Variants in STPG1 observed in about 807,000 individuals in gnomAD.
STPG1 encodes the protein O(6)-methylguanine-induced apoptosis 2.
A neutral mutation model predicts 40.1 loss-of-function variants in STPG1; 33 were observed. The ratio of observed to expected loss-of-function variants is 0.82; its 90% CI spans 0.62 to 1.10. The LOEUF (loss-of-function observed/expected upper bound fraction) is 1.10. STPG1 is among the 50% of genes least tolerant of loss of function. The probability of loss-of-function intolerance (pLI) is 0.00; values close to 1 mark genes in which losing one functional copy is unlikely to be tolerated. For missense variants in STPG1, 396 were observed against 415.1 expected (o/e 0.95, Z 0.40); for synonymous variants, 150 against 155.0 (o/e 0.97, Z 0.24).
chr1:24,357,924 A>G lies in STPG1; in HGVS notation c.*619T>C. On this transcript the variant is annotated 3_prime_UTR_variant, in exon 9 of 9. Coordinates refer to ENST00000337248, the MANE Select transcript of STPG1 (RefSeq NM_001199013.2). ...CCATTCCAAGATGATCTCCCACTCC[A>G]AAGAGAAAAAGGTCTAAAAGGAGTA... 3.1e-6 allele frequency: 1 copy of G among 325,642 alleles called. No homozygotes were observed. The highest frequency in any genetic ancestry group is 2.6e-5 in the South Asian group (1 of 38,794). 20.2% of individuals were successfully genotyped at this position (325,642 alleles called of 1,614,324 possible).
rs867731172 is a variant in STPG1 at position 24,413,426 on chromosome 1, G to A, written c.-69+248C>T. ...CGCCCACGCCCCTGGCAGGAGCTCGGTGGAGCAGGCAAGCCCCAGTTGTCA... is the reference window on the plus strand; with the variant it reads ...CGCCCACGCCCCTGGCAGGAGCTCGATGGAGCAGGCAAGCCCCAGTTGTCA... On this transcript the variant is annotated intron_variant, in intron 1 of 8. Transcript: ENST00000337248. 1.4e-4 allele frequency among the ~76,000 whole-genome samples: 21 copies of A among 152,372 alleles called. 1 individual carries two copies. Among genetic ancestry groups the A allele is most frequent in the South Asian group, 4.1e-4 (2 of 4,832 alleles).
intron 7 of STPG1, among the ~76,000 whole-genome samples, chr1:24,365,294 G>A (rs2148681127): frequency 6.6e-6 from 1 of 152,312 alleles, no homozygotes; most frequent in African/African-American, 2.4e-5. Flanking sequence ...AGCAGATCAA[G>A]GGTTAGAAAA....
rs529192288 is a variant in STPG1, at chr1:24,398,680, T to A, written c.70+2639A>T. 2.4e-3 allele frequency among the ~76,000 whole-genome samples: 358 copies of A among 152,108 alleles called. 3 individuals are homozygous for A. Among genetic ancestry groups the A allele is most frequent in the African/African-American group, 6.1e-3 (255 of 41,548 alleles). ...CAGAATCAAGGTCAATATACAAAAA[T>A]CAATTAATTTTTTTGTACAGCAGCA... On this transcript the variant is annotated intron_variant, in intron 2 of 8. Coordinates refer to ENST00000337248, the MANE Select transcript of STPG1 (RefSeq NM_001199013.2).
intron 3 of STPG1, among the ~76,000 whole-genome samples, chr1:24,388,144 C>A (rs927988682): frequency 6.6e-6 from 1 of 152,014 alleles, no homozygotes; most frequent in South Asian, 2.1e-4. Flanking sequence ...AATACTCATT[C>A]CTGGCAAGGG....
At chr1:24,406,905 G>C (rs926033765) in intron 1 of STPG1, among the ~76,000 whole-genome samples, 86 of 152,148 alleles carry the variant, frequency 5.7e-4, no homozygotes, top group African/African-American at 2.0e-3. Context: ...CCATTTCTAA[G>C]TGCACAGCTG....
intron 7 of STPG1, among the ~76,000 whole-genome samples, chr1:24,365,040 A>G (rs928808670): frequency 1.4e-4 from 22 of 152,156 alleles, no homozygotes; most frequent in African/African-American, 4.3e-4. Context: ...AATTTTTCTC[A>G]TCATTAAAGG....
At position 24,412,543 on chromosome 1, in the gene STPG1, AGTCT is replaced by A. The variant is rs1426650683; in HGVS notation, c.-69+1127_-69+1130del. On this transcript the variant is annotated intron_variant, in intron 1 of 8. Transcript: ENST00000337248. ...GTAGAAAGTTCAACTCTGAATCTTC[AGTCT>A]ATTTCCTCACATACAGTATTTGCTC... is the stretch of plus-strand genomic sequence containing the variant. 5.3e-5 allele frequency among the ~76,000 whole-genome samples: 8 copies of A among 152,306 alleles called. No homozygotes were observed. The South Asian group carries it at 1.5e-3, about 28-fold the overall frequency.
At chr1:24,375,160 C>T (rs948343396) in intron 5 of STPG1, among the ~76,000 whole-genome samples, 4 of 152,036 alleles carry the variant, frequency 2.6e-5, no homozygotes, top group African/African-American at 4.8e-5. Context: ...TTTGAGAGTG[C>T]GCGATGTGTT....
chr1:24,389,787 A>C (rs575925476), intron 3 of STPG1, among the ~76,000 whole-genome samples: 1 of 152,354 alleles, frequency 6.6e-6, no homozygotes, highest in Admixed American at 6.5e-5. Context: ...AGAGCCAAAC[A>C]GTTAAAACAG....
In STPG1 at chr1:24,401,465, G is replaced by A; in HGVS notation, c.-68-9C>T. ...CATGTTCTCCTAAGCACCTGAAACA[G>A]CAAAACACAGCATTTGTAGAGATCA... On this transcript the variant is annotated splice_polypyrimidine_tract_variant and intron_variant, in intron 1 of 8. Transcript: ENST00000337248. 3 of 1,157,664 alleles carry A rather than the reference G, an allele frequency of 2.6e-6. No individual in the cohort carries two copies. Among genetic ancestry groups the A allele is most frequent in the Non-Finnish European group, 3.9e-6 (3 of 773,176 alleles). 71.7% of individuals were successfully genotyped at this position (1,157,664 alleles called of 1,614,324 possible). A position where few individuals can be genotyped will look rare whatever the true frequency, so the allele number is the denominator to read the frequency against.
Position 24,379,650 on chromosome 1 carries a change from T to C in STPG1, c.462+3A>G, listed in dbSNP as rs927377209. On this transcript the variant is annotated splice_donor_region_variant and intron_variant, in intron 5 of 8. Coordinates refer to ENST00000337248, the MANE Select transcript of STPG1 (RefSeq NM_001199013.2). ...ATTTAGCAAGCATAGGCAGAGTTCT[T>C]ACATTGTAATAGTTTGGTGCAGGAG... 1.2e-6 allele frequency: 2 copies of C among 1,614,012 alleles called. No individual in the cohort carries two copies. Among genetic ancestry groups the C allele is most frequent in the Non-Finnish European group, 1.7e-6 (2 of 1,179,956 alleles).
At chr1:24,384,255 C>T (rs1424480910) in intron 3 of STPG1, among the ~76,000 whole-genome samples, 6 of 152,174 alleles carry the variant, frequency 3.9e-5, no homozygotes, top group Admixed American at 1.3e-4. Flanking sequence ...TATGCCCTGC[C>T]GCATTCCAAA....
intron 8 of STPG1, 81 bp from the exon 9 acceptor site, chr1:24,358,700 G>A: frequency 8.6e-7 from 1 of 1,168,242 alleles, no homozygotes; most frequent in South Asian, 1.4e-5. Flanking sequence ...CTCAGAGCTG[G>A]AAAGGCCTGG....
intron 7 of STPG1, among the ~76,000 whole-genome samples, chr1:24,365,453 G>A (rs897018931): frequency 1.3e-5 from 2 of 152,198 alleles, no homozygotes; most frequent in African/African-American, 2.4e-5. Flanking sequence ...CCTCAGAAGC[G>A]AAACCTTGGC....
In STPG1 at chr1:24,380,690, T is replaced by C. The variant is rs141526988; in HGVS notation, c.292-867A>G. Reference sequence around the variant, plus strand: ...TGCTTGGTGGTGACGGTCCTCAGCGTCTGGTTTATGGACCCCCACTAGCAT... The same window carrying C: ...TGCTTGGTGGTGACGGTCCTCAGCGCCTGGTTTATGGACCCCCACTAGCAT... On this transcript the variant is annotated intron_variant, in intron 4 of 8. Transcript: ENST00000337248. 4.8e-3 allele frequency among the ~76,000 whole-genome samples: 736 copies of C among 152,302 alleles called. 5 individuals are homozygous for C. Among genetic ancestry groups the C allele is most frequent in the African/African-American group, 0.016 (685 of 41,566 alleles).
intron 1 of STPG1, among the ~76,000 whole-genome samples, chr1:24,402,516 C>T (rs961234523): frequency 1.3e-5 from 2 of 152,052 alleles, no homozygotes; most frequent in African/African-American, 4.8e-5. Context: ...AATCCCAACA[C>T]CTTGGGAGGC....
chr1:24,402,199 T>C (rs1557461797), intron 1 of STPG1, among the ~76,000 whole-genome samples: 1 of 152,210 alleles, frequency 6.6e-6, no homozygotes, highest in Non-Finnish European at 1.5e-5. Context: ...GTCACAATTG[T>C]TGCCTTTCTA....
At chr1:24,364,101 T>C (rs1641292992) in intron 7 of STPG1, 15 of 1,448,964 alleles carry the variant, frequency 1.0e-5, no homozygotes, top group Non-Finnish European at 1.4e-5. Flanking sequence ...CTCCATGCCT[T>C]TGTCCCTGCT....
At chr1:24,384,408 AC>A (rs989856931) in intron 3 of STPG1, among the ~76,000 whole-genome samples, 2 of 152,166 alleles carry the variant, frequency 1.3e-5, no homozygotes, top group African/African-American at 4.8e-5. Flanking sequence ...TGTTCACCCC[AC>A]CCCACCTGAC....
Sources: gnomAD v4.1 joint callset for allele counts (sites outside exome capture counted in the v4.1 genomes callset) on GRCh38, gnomAD v4.1.1 for gene constraint, MANE v1.5 for transcripts, NCBI Gene and HGNC (gene_info 2026-07-23, HGNC 2026-07-21) for gene names.